Variants in BUD13 observed in about 807,000 individuals in gnomAD.
The protein encoded by BUD13 is BUD13 spliceosome associated protein.
Under a neutral mutation model 62.5 loss-of-function variants are expected in BUD13, and 47 were observed. The observed-to-expected ratio is 0.75, with a 90% CI of 0.60 to 0.96. The LOEUF is 0.96. Ranked by LOEUF, BUD13 falls within the 40% of genes least tolerant of loss-of-function variation. The pLI, the probability that BUD13 is intolerant of heterozygous loss-of-function variation, is 0.00. For missense variants in BUD13, 821 were observed against 790.9 expected (o/e 1.04, Z -0.46); for synonymous variants, 293 against 280.1 (o/e 1.05, Z -0.46).
At chr11:116,757,078 G>A in intron 9 of BUD13, 68 bp downstream of exon 9, 2 of 1,435,848 alleles carry the variant, frequency 1.4e-6, no homozygotes, top group Admixed American at 3.5e-5. Flanking sequence ...AATAAAGTGT[G>A]GAGCAACTTA....
At chr11:116,749,031 T>C (rs137874653) in intron 9 of BUD13, among the ~76,000 whole-genome samples, 1 of 112,956 alleles carries the variant, frequency 8.9e-6, no homozygotes, top group African/African-American at 3.3e-5. Flanking sequence ...GAAAAGAAAA[T>C]ATTTAAGGCA....
intron 9 of BUD13, among the ~76,000 whole-genome samples, chr11:116,752,753 T>C (rs1235270534): frequency 6.6e-6 from 1 of 152,208 alleles, no homozygotes; most frequent in Admixed American, 6.5e-5. Context: ...GATGAGGAAC[T>C]ACAGTCAACT....
At chr11:116,758,586 T>C (rs1940374204) in intron 6 of BUD13, among the ~76,000 whole-genome samples, 179 bp from the exon 7 acceptor site, 2 of 140,648 alleles carry the variant, frequency 1.4e-5, no homozygotes, top group Admixed American at 1.6e-4. Context: ...CATTTTCCTT[T>C]TTTTTTTTTT....
Position 116,762,630 on chromosome 11 carries a change from T to C in BUD13, c.959A>G (p.Tyr320Cys). The C allele has an allele frequency of 6.2e-7, 1 of 1,614,218 alleles. No homozygotes were observed. The highest frequency in any genetic ancestry group is 8.5e-7 in the Non-Finnish European group (1 of 1,180,038). ...TCGTGGAGGAGAGATGTCAGGGTCA[T>C]ACTCATATTTGCTGTTCTTTGGGAA... ...LSFPKNSKYEYDPDISPPRKK... is the reference protein window; with the variant it reads ...LSFPKNSKYECDPDISPPRKK... The change falls in exon 4 of 10, where the codon TAT (tyrosine) becomes TGT (cysteine). Residue 320 changes from tyrosine (Y) to cysteine (C), a missense_variant. This residue lies in a region of BUD13 where 800 missense variants were observed against 739.2 expected (regional missense o/e 1.08). Transcript: ENST00000260210.
chr11:116,760,750 C>A lies in BUD13; in HGVS notation c.1239G>T (p.Gln413His). 1 of 1,614,174 alleles carries A rather than the reference C, an allele frequency of 6.2e-7. No homozygotes were observed. The highest frequency in any genetic ancestry group is 8.5e-7 in the Non-Finnish European group (1 of 1,180,010). Reference protein sequence around the residue: ...DSDLSPPRRSQPPGKKAAHMY... With the variant: ...DSDLSPPRRSHPPGKKAAHMY... ...AAATCCTGACCTTCTTTCCAGGAGG[C>A]TGACTCCTTCGAGGCGGGGACAGGT... Residue 413 changes from glutamine (Q) to histidine (H), a missense_variant, in exon 5 of 10, where the codon CAG (glutamine) becomes CAT (histidine). This residue lies in a region of BUD13 where 800 missense variants were observed against 739.2 expected (regional missense o/e 1.08). Transcript: ENST00000260210.
At chr11:116,771,493 C>T (rs918364928) in intron 1 of BUD13, among the ~76,000 whole-genome samples, 10 of 152,084 alleles carry the variant, frequency 6.6e-5, no homozygotes, top group African/African-American at 2.4e-4. Context: ...TAATGCAATC[C>T]CTCTAATCAC....
intron 4 of BUD13, 104 bp downstream of exon 4, chr11:116,762,449 T>C: frequency 9.5e-7 from 1 of 1,056,122 alleles, no homozygotes; most frequent in Non-Finnish European, 1.4e-6. Context: ...TTTTCAAAAC[T>C]TTCCCAAAGA....
In BUD13 at chr11:116,763,109, C is replaced by T. The variant is rs918144; in HGVS notation, c.480G>A (p.Pro160=). 797,414 of 1,606,488 alleles carry T rather than the reference C, an allele frequency of 0.5. 199,468 individuals are homozygous for T. Among genetic ancestry groups the T allele is most frequent in the African/African-American group, 0.64 (47,562 of 74,108 alleles). ...PSPRRARHDT[P]DPSPLRGARH... The stretch of plus-strand genomic sequence containing the variant: ...GAGCCCCTCTGAGGGGAGAAGGATC[C>T]GGGGTGTCATGACGGGCCCTCCTAG... The change falls in exon 4 of 10, where the codon CCG becomes CCA. Residue 160 remains proline (P), a synonymous_variant. Transcript: ENST00000260210.
At chr11:116,772,738 G>A in intron 1 of BUD13, 84 bp downstream of exon 1, 6 of 1,413,950 alleles carry the variant, frequency 4.2e-6, no homozygotes, top group African/African-American at 1.5e-5. Flanking sequence ...CGCCAAGAGG[G>A]AAGGAACTGC....
chr11:116,766,330 T>G (rs546617157), intron 2 of BUD13, among the ~76,000 whole-genome samples: 1 of 152,210 alleles, frequency 6.6e-6, no homozygotes, highest in Non-Finnish European at 1.5e-5. Context: ...CACTACTGAA[T>G]AGCAAACTGA....
At chr11:116,759,296 C>G in intron 5 of BUD13, 117 bp from the exon 6 acceptor site, 1 of 651,074 alleles carries the variant, frequency 1.5e-6, no homozygotes, top group Non-Finnish European at 2.7e-6. Context: ...ACCTAAAACT[C>G]TAGCTTTATA....
intron 9 of BUD13, among the ~76,000 whole-genome samples, chr11:116,754,070 T>C (rs1301346601): frequency 1.3e-5 from 2 of 152,228 alleles, no homozygotes; most frequent in Non-Finnish European, 2.9e-5. Context: ...TTTTGATACA[T>C]GGTCTCACTC....
At chr11:116,768,898 C>CCA (rs1397630520) in intron 2 of BUD13, among the ~76,000 whole-genome samples, 2 of 151,578 alleles carry the variant, frequency 1.3e-5, no homozygotes, top group African/African-American at 4.9e-5. Context: ...CCCTGTAGTC[C>CCA]CAGCTACTCA....
At chr11:116,772,706 T>A in intron 1 of BUD13, 116 bp downstream of exon 1, 1 of 1,331,874 alleles carries the variant, frequency 7.5e-7, no homozygotes, top group Non-Finnish European at 9.7e-7. Flanking sequence ...TGAGCAGGGG[T>A]CGGCGGAGAA....
Position 116,762,941 on chromosome 11 carries a change from C to T in BUD13, c.648G>A (p.Arg216=). Residue 216 remains arginine, a synonymous_variant, in exon 4 of 10, where the codon AGG becomes AGA. Transcript: ENST00000260210. Reference sequence around the variant, plus strand: ...GATCTGGTGAATCATGACGGACTCTCCTAGGAGATGCACCTGAAGAATTAT... The same window carrying T: ...GATCTGGTGAATCATGACGGACTCTTCTAGGAGATGCACCTGAAGAATTAT... ...PQHNSSGASP[R]RVRHDSPDPS... 6.2e-7 allele frequency: 1 copy of T among 1,614,024 alleles called. No individual in the cohort carries two copies. Among genetic ancestry groups the T allele is most frequent in the Non-Finnish European group, 8.5e-7 (1 of 1,179,988 alleles).
chr11:116,771,139 CTT>C (rs35742143), intron 1 of BUD13, among the ~76,000 whole-genome samples: 2 of 152,306 alleles, frequency 1.3e-5, no homozygotes, highest in Non-Finnish European at 2.9e-5. Context: ...CTTTGGCAAA[CTT>C]TTCTTGACTG....
Position 116,756,491 on chromosome 11 carries a change from G to A in BUD13, c.1766+655C>T, listed in dbSNP as rs969245985. Among the ~76,000 whole-genome samples the A allele has an allele frequency of 1.3e-4, 19 of 151,826 alleles. 1 individual carries two copies. The highest frequency in any genetic ancestry group is 2.1e-4 in the South Asian group (1 of 4,804). ...TGCGCCACTGCACTCCAGCCTGGGCGACAGGGCGAGGCTCCATCTCAAAAA... is the reference window on the plus strand; with the variant it reads ...TGCGCCACTGCACTCCAGCCTGGGCAACAGGGCGAGGCTCCATCTCAAAAA... On this transcript the variant is annotated intron_variant, in intron 9 of 9. Transcript: ENST00000260210.
intron 9 of BUD13, among the ~76,000 whole-genome samples, chr11:116,749,916 G>A (rs1940203224): frequency 6.6e-6 from 1 of 152,154 alleles, no homozygotes; most frequent in African/African-American, 2.4e-5. Flanking sequence ...AGGTACACAA[G>A]GACAAAGAAG....
chr11:116,772,870 C>A lies in BUD13; in HGVS notation c.95G>T (p.Arg32Leu), dbSNP rs1251510469. The A allele has an allele frequency of 6.9e-6, 11 of 1,590,882 alleles. No homozygotes were observed. The highest frequency in any genetic ancestry group is 1.4e-5 in the African/African-American group (1 of 73,326). ...CTTCGGCCGCTTTTTGCGACGCTTG[C>A]GACCGGACTCAGATCCCCGGTCGAC... Reference protein sequence around the residue: ...AGVDRGSESGRKRRKKRPKPG... With the variant: ...AGVDRGSESGLKRRKKRPKPG... The change falls in exon 1 of 10, where the codon CGC (arginine) becomes CTC (leucine). Residue 32 changes from arginine (R) to leucine (L), a missense_variant. Transcript: ENST00000260210.
Sources: allele counts gnomAD v4.1 joint callset (sites outside exome capture counted in the v4.1 genomes callset), GRCh38; gene constraint gnomAD v4.1.1; regional missense constraint gnomAD v4.1.1; transcripts MANE v1.5; gene names NCBI Gene and HGNC (gene_info 2026-07-23, HGNC 2026-07-21).